The following ATOSA variants were observed in gnomAD, a reference collection of about 807,000 sequenced individuals.
ATOSA encodes the protein atos homolog protein A.
chr15:52,612,364 A>C, the ATOSA span, among the ~76,000 whole-genome samples: 1 of 152,150 alleles, frequency 6.6e-6, no homozygotes, highest in African/African-American at 2.4e-5. Context: ...TGCTACATCC[A>C]ATGTCTGACA....
chr15:52,623,153 C>T, the ATOSA span, among the ~76,000 whole-genome samples: 12 of 135,776 alleles, frequency 8.8e-5, no homozygotes, highest in Admixed American at 5.7e-4. Flanking sequence ...AGTGAGACTC[C>T]GTGTCAAAAA....
chr15:52,597,183 CTATT>C, the ATOSA span, among the ~76,000 whole-genome samples: 4 of 48,564 alleles, frequency 8.2e-5, no homozygotes, highest in East Asian at 4.0e-3. Context: ...CTATTCTATT[CTATT>C]CTATTCTATT....
the ATOSA span, among the ~76,000 whole-genome samples, chr15:52,654,014 A>T: frequency 4.6e-5 from 7 of 152,182 alleles, no homozygotes; most frequent in African/African-American, 1.7e-4. Context: ...AAATTTAAAA[A>T]TTTTTTGGAT....
the ATOSA span, among the ~76,000 whole-genome samples, chr15:52,670,262 C>A: frequency 6.6e-6 from 1 of 152,196 alleles, no homozygotes. Flanking sequence ...CTGTTCCAAG[C>A]TGTGTATTCT....
the ATOSA span, among the ~76,000 whole-genome samples, chr15:52,623,327 C>T: frequency 6.6e-6 from 1 of 152,022 alleles, no homozygotes; most frequent in Admixed American, 6.6e-5. Flanking sequence ...ATCACCCTGG[C>T]TGCTATGTGG....
chr15:52,618,709 G>A, the ATOSA span, among the ~76,000 whole-genome samples: 1 of 152,132 alleles, frequency 6.6e-6, no homozygotes, highest in Non-Finnish European at 1.5e-5. Context: ...TTTAGAGACA[G>A]GGTCTTGCTT....
the ATOSA span, chr15:52,609,382 T>C: frequency 6.2e-7 from 1 of 1,613,948 alleles, no homozygotes; most frequent in Non-Finnish European, 8.5e-7. Flanking sequence ...ACTGGAGTCA[T>C]GCATGTTGAA....
At chr15:52,638,429 G>A in the ATOSA span, among the ~76,000 whole-genome samples, 4 of 152,128 alleles carry the variant, frequency 2.6e-5, no homozygotes, top group East Asian at 3.9e-4. Context: ...ACTGTGGGCC[G>A]GGCACAGTGG....
the ATOSA span, chr15:52,600,197 A>G: frequency 1.9e-6 from 3 of 1,611,740 alleles, no homozygotes; most frequent in Non-Finnish European, 2.5e-6. Context: ...TTTTTCATGA[A>G]TATCTGGATC....
chr15:52,620,483 C>T, the ATOSA span, among the ~76,000 whole-genome samples: 1 of 152,224 alleles, frequency 6.6e-6, no homozygotes, highest in Non-Finnish European at 1.5e-5. Context: ...CTCAAATCTA[C>T]TTCAATGGGA....
chr15:52,584,631 G>A, the ATOSA span: 9 of 877,484 alleles, frequency 1.0e-5, no homozygotes, highest in South Asian at 1.8e-5. Context: ...GAGTTCCCAA[G>A]CTAAGCAAAG....
the ATOSA span, chr15:52,587,084 G>A: frequency 1.3e-6 from 2 of 1,599,348 alleles, no homozygotes; most frequent in Non-Finnish European, 8.5e-7. Flanking sequence ...AGTAGCAGGA[G>A]AAAGGGCTAA....
At chr15:52,670,970 C>T in the ATOSA span, among the ~76,000 whole-genome samples, 3 of 152,014 alleles carry the variant, frequency 2.0e-5, no homozygotes, top group Non-Finnish European at 2.9e-5. Flanking sequence ...TTAGTCTATC[C>T]GACTTGTACT....
chr15:52,592,235 G>C, the ATOSA span, among the ~76,000 whole-genome samples: 2 of 152,076 alleles, frequency 1.3e-5, no homozygotes, highest in African/African-American at 2.4e-5. Context: ...GAAGCAGTTG[G>C]GCCAGATAGT....
chr15:52,640,048 G>A, the ATOSA span, among the ~76,000 whole-genome samples: 5 of 151,934 alleles, frequency 3.3e-5, no homozygotes, highest in Middle Eastern at 6.8e-3. Context: ...GTGAGCCACC[G>A]TGCCTGGCCG....
the ATOSA span, chr15:52,609,777 T>C: frequency 1.9e-6 from 3 of 1,613,426 alleles, no homozygotes; most frequent in Admixed American, 1.7e-5. Context: ...GAATCAAATG[T>C]TGGGCAATTC....
chr15:52,608,699 A>T, the ATOSA span: 1 of 1,612,380 alleles, frequency 6.2e-7, no homozygotes, highest in African/African-American at 1.3e-5. Flanking sequence ...AATTGGTCTG[A>T]CTTTTTACAT....
At chr15:52,635,194 T>A in the ATOSA span, among the ~76,000 whole-genome samples, 1 of 152,174 alleles carries the variant, frequency 6.6e-6, no homozygotes, top group Non-Finnish European at 1.5e-5. Flanking sequence ...ACACCCACAA[T>A]TTTATCTGGA....
At chr15:52,632,296 G>A in the ATOSA span, among the ~76,000 whole-genome samples, 88 of 152,238 alleles carry the variant, frequency 5.8e-4, no homozygotes, top group African/African-American at 2.0e-3. Flanking sequence ...GAACCATGTT[G>A]CTTATAATAA....
Sources: allele counts gnomAD v4.1 joint callset (sites outside exome capture counted in the v4.1 genomes callset), GRCh38; gene constraint gnomAD v4.1.1; transcripts MANE v1.5; gene names NCBI Gene and HGNC (gene_info 2026-07-23, HGNC 2026-07-21).